TPRX1: variants seen among roughly 807,000 people sequenced by gnomAD.
TPRX1 encodes the protein tetra-peptide repeat homeobox protein 1.
TPRX1 carries 2 observed loss-of-function variants against 8.1 expected under a neutral mutation model. The ratio of observed to expected loss-of-function variants is 0.25; its 90% confidence interval spans 0.10 to 0.78. The LOEUF (loss-of-function observed/expected upper bound fraction) is 0.78, where lower values mean the gene tolerates loss of function less well. Ranked by LOEUF, TPRX1 falls within the 30% of genes least tolerant of loss-of-function variation. The probability of loss-of-function intolerance (pLI) is 0.70; values close to 1 mark genes in which losing one functional copy is unlikely to be tolerated. For synonymous variants in TPRX1, 257 were observed against 254.1 expected (o/e 1.01, Z -0.11); for missense variants, 517 against 586.9 (o/e 0.88, Z 1.23).
At chr19:47,804,856 T>C (rs918148630) in intron 2 of TPRX1, among the ~76,000 whole-genome samples, 1 of 152,202 alleles carries the variant, frequency 6.6e-6, no homozygotes, top group African/African-American at 2.4e-5. Flanking sequence ...TCGTGACCTG[T>C]GGTTGGGGTC....
intron 2 of TPRX1, among the ~76,000 whole-genome samples, 68 bp from the exon 1 acceptor site, chr19:47,804,619 C>T (rs1226751415): frequency 1.3e-5 from 2 of 152,034 alleles, no homozygotes; most frequent in Non-Finnish European, 2.9e-5. Context: ...GCTGTGCCCA[C>T]CCTGGCCCAC....
intron 2 of TPRX1, among the ~76,000 whole-genome samples, chr19:47,805,693 A>G (rs1209003716): frequency 2.6e-5 from 4 of 152,190 alleles, no homozygotes; most frequent in Non-Finnish European, 5.9e-5. Context: ...ATGATTCCTC[A>G]TCGCACACAT....
intron 2 of TPRX1, among the ~76,000 whole-genome samples, chr19:47,813,843 C>T (rs955468317): frequency 6.6e-6 from 1 of 151,530 alleles, no homozygotes; most frequent in Non-Finnish European, 1.5e-5. Context: ...GGGACTAGGA[C>T]AGGGTGAGAG....
intron 2 of TPRX1, among the ~76,000 whole-genome samples, chr19:47,815,129 T>TGCAAATATATATATATGCAA (rs1427370335): frequency 2.0e-5 from 2 of 101,790 alleles, no homozygotes; most frequent in African/African-American, 7.2e-5. Context: ...TATATATATA[T>TGCAAATATATATATATGCAA]ATATATATAT....
At chr19:47,815,447 C>CCAGCCCACTGTGAGCTTTTCTTTTGCAT (rs1568617524) in intron 2 of TPRX1, among the ~76,000 whole-genome samples, 2 of 149,258 alleles carry the variant, frequency 1.3e-5, no homozygotes, top group African/African-American at 4.9e-5. Flanking sequence ...GCCACCGCAC[C>CCAGCCCACTGTGAGCTTTTCTTTTGCAT]TGGCTCAAAG....
At chr19:47,802,910 G>C (rs1568614125) in exon 4 of TPRX1, 2 of 1,558,250 alleles carry the variant, frequency 1.3e-6, no homozygotes, top group Non-Finnish European at 1.7e-6. Context: ...TCTCTGCCCA[G>C]GGACGCGCTG....
chr19:47,815,136 ATATATATG>A (rs1967824698), intron 2 of TPRX1, among the ~76,000 whole-genome samples: 2 of 111,918 alleles, frequency 1.8e-5, no homozygotes, highest in African/African-American at 7.3e-5. Flanking sequence ...ATATATATAT[ATATATATG>A]CAAATATATA....
At chr19:47,802,331 A>ATTGGGCCTGGGATCGGGCCTGGGT (rs1261122982) in exon 4 of TPRX1, 1 of 1,474,726 alleles carries the variant, frequency 6.8e-7, no homozygotes, top group African/African-American at 1.5e-5. Context: ...TGGGCCTGGG[A>ATTGGGCCTGGGATCGGGCCTGGGT]TTGGGCCTGG....
chr19:47,802,192 G>A (rs772154586), exon 4 of TPRX1: 6 of 1,611,178 alleles, frequency 3.7e-6, no homozygotes, highest in South Asian at 3.3e-5. Context: ...CTGGGATCTG[G>A]GCTGGGCTGG....
chr19:47,801,878 C>T lies in TPRX1; in HGVS notation c.1424G>A (p.Gly475Glu), dbSNP rs200857503. The T allele has an allele frequency of 2.0e-5, 33 of 1,614,138 alleles. No homozygotes were observed. In the Admixed American group the frequency reaches 3.8e-4, roughly 19 times the overall value. The change falls in exon 4 of 4, where the codon GGG (glycine) becomes GAG (glutamate). Residue 475 changes from glycine (G) to glutamate (E), a missense_variant. By Grantham distance (98) the Gly-to-Glu change is moderately conservative. This residue lies in a region of TPRX1 where 506 missense variants were observed against 515.5 expected (regional missense o/e 0.98). Coordinates refer to ENST00000535759, the Ensembl canonical transcript of TPRX1. Reference sequence around the variant, plus strand: ...GTGTTTTTTGCCCATAGAGTCATCCCCTTCTTGGTACTGAGAGGTCATGGT... The same window carrying T: ...GTGTTTTTTGCCCATAGAGTCATCCTCTTCTTGGTACTGAGAGGTCATGGT...
At chr19:47,813,375 A>AAAAC (rs1967802795) in intron 2 of TPRX1, among the ~76,000 whole-genome samples, 1 of 151,900 alleles carries the variant, frequency 6.6e-6, no homozygotes, top group Admixed American at 6.6e-5. Context: ...CGACCCCCCC[A>AAAAC]AAACACACAA....
exon 4 of TPRX1, chr19:47,802,866 C>T: frequency 1.9e-6 from 3 of 1,599,202 alleles, no homozygotes; most frequent in Non-Finnish European, 2.6e-6. Context: ...GCAGAGGCTG[C>T]AGGGACTAGG....
At chr19:47,802,037 C>T (rs751833930) in exon 4 of TPRX1, 2 of 1,607,474 alleles carry the variant, frequency 1.2e-6, no homozygotes, top group East Asian at 2.2e-5. Flanking sequence ...TGGGAGTGAT[C>T]CTGGGCCTGG....
intron 2 of TPRX1, among the ~76,000 whole-genome samples, chr19:47,805,906 T>G (rs1967731246): frequency 6.6e-6 from 1 of 152,156 alleles, no homozygotes; most frequent in Non-Finnish European, 1.5e-5. Flanking sequence ...GCTGAAAACA[T>G]CGATCCACTG....
In TPRX1 at chr19:47,802,815, CCG is replaced by C; in HGVS notation, c.485_486del (p.Ala162GlyfsTer315). The C allele has an allele frequency of 6.2e-7, 1 of 1,601,404 alleles. No homozygotes were observed. Among genetic ancestry groups the C allele is most frequent in the Non-Finnish European group, 8.5e-7 (1 of 1,173,954 alleles). On this transcript the variant is annotated frameshift_variant, in exon 4 of 4. Transcript: ENST00000535759. LOFTEE classifies it low-confidence loss of function (END_TRUNC). ...TGGAGGCTGCAGATCGTGGGTTCCGCCGCTGGAAGGATTCCCGAGGGGCCCCG... is the reference window on the plus strand; with the variant it reads ...TGGAGGCTGCAGATCGTGGGTTCCGCCTGGAAGGATTCCCGAGGGGCCCCG...
At chr19:47,809,803 C>A in intron 2 of TPRX1, among the ~76,000 whole-genome samples, 1 of 152,044 alleles carries the variant, frequency 6.6e-6, no homozygotes, top group Non-Finnish European at 1.5e-5. Context: ...GATGTGTCTT[C>A]AGGGTTGGAT....
At chr19:47,814,406 C>T (rs1001428196) in intron 2 of TPRX1, among the ~76,000 whole-genome samples, 3 of 151,922 alleles carry the variant, frequency 2.0e-5, no homozygotes, top group Non-Finnish European at 4.4e-5. Context: ...CGCCTGTAAT[C>T]CCAGCACTTT....
chr19:47,815,132 A>ATATATATATATATATATATATATATC (rs1484368594), intron 2 of TPRX1, among the ~76,000 whole-genome samples: 1 of 114,602 alleles, frequency 8.7e-6, no homozygotes, highest in Non-Finnish European at 1.7e-5. Context: ...ATATATATAT[A>ATATATATATATATATATATATATATC]TATATATATA....
chr19:47,807,996 C>T (rs1477681052), intron 2 of TPRX1, among the ~76,000 whole-genome samples: 2 of 151,960 alleles, frequency 1.3e-5, no homozygotes, highest in African/African-American at 4.8e-5. Context: ...TGGAGTCAAT[C>T]GAAACTCACT....
Sources: allele counts gnomAD v4.1 joint callset (sites outside exome capture counted in the v4.1 genomes callset), GRCh38; gene constraint gnomAD v4.1.1; regional missense constraint gnomAD v4.1.1; transcripts MANE v1.5; gene names NCBI Gene and HGNC (gene_info 2026-07-23, HGNC 2026-07-21).